CARMIL2: variants seen among roughly 807,000 people sequenced by gnomAD.
The protein encoded by CARMIL2 is capping protein regulator and myosin 1 linker 2.
Under a neutral mutation model 173.3 loss-of-function variants are expected in CARMIL2, and 96 were observed. The observed-to-expected ratio is 0.55, with a 90% CI of 0.47 to 0.66. The LOEUF is 0.66. Ranked by LOEUF, CARMIL2 falls within the 30% of genes least tolerant of loss-of-function variation. The pLI is 0.00. For synonymous variants in CARMIL2, 830 were observed against 817.1 expected (o/e 1.02, Z -0.27); for missense variants, 1,771 against 1,906.7 (o/e 0.93, Z 1.33).
chr16:67,657,280 A>T lies in CARMIL2; in HGVS notation c.4159A>T (p.Arg1387Trp). The T allele has an allele frequency of 6.2e-7, 1 of 1,613,740 alleles. No homozygotes were observed. The highest frequency in any genetic ancestry group is 8.5e-7 in the Non-Finnish European group (1 of 1,179,794). The change falls in exon 37 of 38, where the codon AGG becomes TGG. Residue 1387 changes from arginine to tryptophan, a missense_variant. Physicochemically the swap from Arg to Trp is moderately radical, Grantham distance 101 (BLOSUM62 -3). Transcript: ENST00000334583. This position sits in a 1 kb window ranked among gnomAD's most constrained non-coding sequence, Gnocchi z 4.5. ...RLQRSPVLKR[R>W]PKLEAPPSPS... ...GCAGCGCTCCCCCGTCCTCAAACGC[A>T]GGCCAAAACTCGAGGCACCTCCATC...
In CARMIL2 at chr16:67,649,043, C is replaced by A. The variant is rs373516654; in HGVS notation, c.1592-33C>A. On this transcript the variant is annotated intron_variant, in intron 17 of 37. Coordinates refer to ENST00000334583, the MANE Select transcript of CARMIL2 (RefSeq NM_001013838.3). This position sits in a 1 kb window ranked among gnomAD's most constrained non-coding sequence, Gnocchi z 6.7. ...CCCAATCCCCACCCTACCCTTGCAA[C>A]TTCGCCTCGTGCGTGACCCGAGTCA... is the stretch of plus-strand genomic sequence containing the variant. 13 of 1,606,362 alleles carry A rather than the reference C, an allele frequency of 8.1e-6. No homozygotes were observed. Among genetic ancestry groups the A allele is most frequent in the African/African-American group, 1.3e-5 (1 of 74,784 alleles).
chr16:67,647,710 G>C lies in CARMIL2; in HGVS notation c.902G>C (p.Arg301Pro). 6.3e-7 allele frequency: 1 copy of C among 1,597,626 alleles called. No individual in the cohort carries two copies. The highest frequency in any genetic ancestry group is 1.1e-5 in the South Asian group (1 of 87,990). The change falls in exon 12 of 38, where the codon CGT becomes CCT. Residue 301 changes from arginine to proline, a missense_variant. Transcript: ENST00000334583. ...ACTGCACTCAGCAGACACCTCGAGC[G>C]TTGTCCAGGAGCCCTGAGGAGACTC... is the stretch of plus-strand genomic sequence containing the variant. Reference protein sequence around the residue: ...GMTALSRHLERCPGALRRLSL... With the variant: ...GMTALSRHLEPCPGALRRLSL...
At chr16:67,655,007 G>C in intron 32 of CARMIL2, 107 bp downstream of exon 32, 1 of 1,405,206 alleles carries the variant, frequency 7.1e-7, no homozygotes, top group South Asian at 1.3e-5. Flanking sequence ...CTAATTGTCA[G>C]TTCTACTCCA....
In CARMIL2 at chr16:67,649,515, A is replaced by G; in HGVS notation, c.1815A>G (p.Leu605=). The G allele has an allele frequency of 5.6e-6, 9 of 1,608,602 alleles. No homozygotes were observed. Among genetic ancestry groups the G allele is most frequent in the Non-Finnish European group, 7.6e-6 (9 of 1,179,862 alleles). The change falls in exon 20 of 38, where the codon CTA becomes CTG. Residue 605 remains leucine, a synonymous_variant. Transcript: ENST00000334583. This position sits in a 1 kb window ranked among gnomAD's most constrained non-coding sequence, Gnocchi z 6.7. ...GTGCCAGCGTCCTACTCCGGGCCCT[A>G]GCCACCAATCCTAACCTGACCGCGC... ...KLGASVLLRA[L]ATNPNLTALD...
Position 67,651,761 on chromosome 16 carries a change from A to C in CARMIL2, c.2504A>C (p.Gln835Pro). 6.2e-7 allele frequency: 1 copy of C among 1,606,644 alleles called. No individual in the cohort carries two copies. The highest frequency in any genetic ancestry group is 8.5e-7 in the Non-Finnish European group (1 of 1,177,202). ...CTGCAGGGATCCAGCTGGAGGGAGCAGCTAGAGGGGGTCCTGGCAGGCTCG... is the reference window on the plus strand; with the variant it reads ...CTGCAGGGATCCAGCTGGAGGGAGCCGCTAGAGGGGGTCCTGGCAGGCTCG... ...QMLQGSSWRE[Q>P]LEGVLAGSRG... Residue 835 changes from glutamine to proline, a missense_variant, in exon 25 of 38, where the codon CAG (glutamine) becomes CCG (proline). By Grantham distance (76) the Gln-to-Pro change is moderately conservative. Transcript: ENST00000334583. The surrounding 1 kb of genome is among the most constrained non-coding windows in gnomAD (Gnocchi z 4.2).
In CARMIL2 at chr16:67,652,564, G is replaced by A. The variant is rs768438300; in HGVS notation, c.2884+26G>A. 3.1e-6 allele frequency: 5 copies of A among 1,605,374 alleles called. No individual in the cohort carries two copies. The highest frequency in any genetic ancestry group is 1.7e-5 in the Admixed American group (1 of 59,824). On this transcript the variant is annotated intron_variant, in intron 28 of 37. Coordinates refer to ENST00000334583, the MANE Select transcript of CARMIL2 (RefSeq NM_001013838.3). The surrounding 1 kb of genome is among the most constrained non-coding windows in gnomAD (Gnocchi z 4.7). Reference sequence around the variant, plus strand: ...GTAAGTCAGGGCCTTGGGGGAGGGAGTTTACGTGGGTGGGCTGAAGCTCCA... The same window carrying A: ...GTAAGTCAGGGCCTTGGGGGAGGGAATTTACGTGGGTGGGCTGAAGCTCCA...
intron 1 of CARMIL2, 32 bp from the exon 2 acceptor site, chr16:67,645,508 C>T (rs2052576340): frequency 2.6e-6 from 4 of 1,552,540 alleles, no homozygotes; most frequent in Non-Finnish European, 2.6e-6. Flanking sequence ...TGTGCAAGGA[C>T]TGAAGTCACC....
chr16:67,646,924 C>CA lies in CARMIL2; in HGVS notation c.563dup (p.Cys190LeufsTer43). Reference sequence around the variant, plus strand: ...GGACGTGGACACCATTTACCATCGCCAGGGCTGCCGCCATTTCAGCCTGGG... The same window carrying CA: ...GGACGTGGACACCATTTACCATCGCCAAGGGCTGCCGCCATTTCAGCCTGGG... On this transcript the variant is annotated frameshift_variant, in exon 8 of 38. Coordinates refer to ENST00000334583, the MANE Select transcript of CARMIL2 (RefSeq NM_001013838.3). LOFTEE classifies it high-confidence loss of function. This position sits in a 1 kb window ranked among gnomAD's most constrained non-coding sequence, Gnocchi z 4.6. 1 of 1,613,626 alleles carries CA rather than the reference C, an allele frequency of 6.2e-7. No homozygotes were observed. Among genetic ancestry groups the CA allele is most frequent in the Non-Finnish European group, 8.5e-7 (1 of 1,179,886 alleles).
At position 67,652,126 on chromosome 16, in the gene CARMIL2, G is replaced by T; in HGVS notation, c.2677-73G>T. 6.3e-7 allele frequency: 1 copy of T among 1,598,664 alleles called. No homozygotes were observed. Among genetic ancestry groups the T allele is most frequent in the Non-Finnish European group, 8.5e-7 (1 of 1,171,474 alleles). On this transcript the variant is annotated intron_variant, in intron 26 of 37. Coordinates refer to ENST00000334583, the MANE Select transcript of CARMIL2 (RefSeq NM_001013838.3). The surrounding 1 kb of genome is among the most constrained non-coding windows in gnomAD (Gnocchi z 4.7). ...GTCATGTAGCCCAGGGCTATTTCAG[G>T]GTCCCCTTAGTTAGCATCAATGGGA...
Position 67,657,018 on chromosome 16 carries a change from C to T in CARMIL2, c.4117+137C>T. On this transcript the variant is annotated intron_variant, in intron 36 of 37. Coordinates refer to ENST00000334583, the MANE Select transcript of CARMIL2 (RefSeq NM_001013838.3). This position sits in a 1 kb window ranked among gnomAD's most constrained non-coding sequence, Gnocchi z 4.5. ...CTCAAGAAATCAGGGAGCCAGAAGA[C>T]CAGGTGCAAGGGTTTGACAGCAAGC... 1.2e-6 allele frequency: 1 copy of T among 805,118 alleles called. No individual in the cohort carries two copies. Among genetic ancestry groups the T allele is most frequent in the Non-Finnish European group, 2.0e-6 (1 of 511,670 alleles). The allele number at this position is 805,118 out of a possible 1,614,324, so 49.9% of individuals were successfully genotyped here.
Position 67,657,352 on chromosome 16 carries a change from G to C in CARMIL2, c.4195+36G>C, listed in dbSNP as rs2142963527. ...GTCCAGGCCAGCTGGGAGGGTGGCA[G>C]GACTGCTTAGCCCAGCCCTGACCCT... On this transcript the variant is annotated intron_variant, in intron 37 of 37. Coordinates refer to ENST00000334583, the MANE Select transcript of CARMIL2 (RefSeq NM_001013838.3). The surrounding 1 kb of genome is among the most constrained non-coding windows in gnomAD (Gnocchi z 4.5). The C allele has an allele frequency of 6.2e-7, 1 of 1,611,092 alleles. No homozygotes were observed. Among genetic ancestry groups the C allele is most frequent in the Non-Finnish European group, 8.5e-7 (1 of 1,178,412 alleles).
At position 67,645,155 on chromosome 16, in the gene CARMIL2, G is replaced by C; in HGVS notation, c.-92G>C. 2.1e-6 allele frequency: 2 copies of C among 967,620 alleles called. No homozygotes were observed. Among genetic ancestry groups the C allele is most frequent in the Non-Finnish European group, 3.0e-6 (2 of 665,774 alleles). 59.9% of individuals were successfully genotyped at this position (967,620 alleles called of 1,614,324 possible). A position where few individuals can be genotyped will look rare whatever the true frequency, so the allele number is the denominator to read the frequency against. ...GCCGCCGGAGGAGCAGGTGGCTGCCGTGCGGGTCTGGGCCCCAGGCTTCCT... is the reference window on the plus strand; with the variant it reads ...GCCGCCGGAGGAGCAGGTGGCTGCCCTGCGGGTCTGGGCCCCAGGCTTCCT... On this transcript the variant is annotated 5_prime_UTR_variant, in exon 1 of 38. Coordinates refer to ENST00000334583, the MANE Select transcript of CARMIL2 (RefSeq NM_001013838.3).
Position 67,652,621 on chromosome 16 carries a change from C to A in CARMIL2, c.2884+83C>A. The A allele has an allele frequency of 7.6e-7, 1 of 1,313,920 alleles. No homozygotes were observed. Among genetic ancestry groups the A allele is most frequent in the Non-Finnish European group, 1.1e-6 (1 of 929,676 alleles). 81.4% of individuals were successfully genotyped at this position (1,313,920 alleles called of 1,614,324 possible). On this transcript the variant is annotated intron_variant, in intron 28 of 37. Coordinates refer to ENST00000334583, the MANE Select transcript of CARMIL2 (RefSeq NM_001013838.3). The surrounding 1 kb of genome is among the most constrained non-coding windows in gnomAD (Gnocchi z 4.7). ...TTGGGGACCCGGGGACCTGGATGAA[C>A]TCATTCAGCCTTGTCTGGGTACCCA...
rs2052886907 is a variant in CARMIL2 at position 67,657,407 on chromosome 16, A to C, written c.4197A>C (p.Gly1399=). The C allele has an allele frequency of 6.2e-7, 1 of 1,605,898 alleles. No individual in the cohort carries two copies. Among genetic ancestry groups the C allele is most frequent in the Non-Finnish European group, 8.5e-7 (1 of 1,176,646 alleles). The stretch of plus-strand genomic sequence containing the variant: ...CTCTCTCCCTCCCTCCCCTCACAGG[A>C]TCTGGCCTTGGAACCGAGCCTCTGC... The part of the protein sequence containing the change: ...KLEAPPSPSL[G]SGLGTEPLPP... Residue 1399 remains glycine (G), a splice_region_variant and synonymous_variant, in exon 38 of 38, where the codon GGA becomes GGC. Transcript: ENST00000334583. The surrounding 1 kb of genome is among the most constrained non-coding windows in gnomAD (Gnocchi z 4.5).
rs560833411 is a variant in CARMIL2 at position 67,651,751 on chromosome 16, T to C, written c.2494T>C (p.Trp832Arg). The change falls in exon 25 of 38, where the codon TGG (tryptophan) becomes CGG (arginine). Residue 832 changes from tryptophan to arginine, a missense_variant. Coordinates refer to ENST00000334583, the MANE Select transcript of CARMIL2 (RefSeq NM_001013838.3). The surrounding 1 kb of genome is among the most constrained non-coding windows in gnomAD (Gnocchi z 4.2). The stretch of plus-strand genomic sequence containing the variant: ...CCCACAGATGCTGCAGGGATCCAGC[T>C]GGAGGGAGCAGCTAGAGGGGGTCCT... ...LCPQMLQGSS[W>R]REQLEGVLAG... 1.9e-6 allele frequency: 3 copies of C among 1,606,866 alleles called. No individual in the cohort carries two copies. In the African/African-American group the frequency reaches 4.0e-5, roughly 21 times the overall value.
At position 67,657,190 on chromosome 16, in the gene CARMIL2, C is replaced by G. The variant is rs76430478; in HGVS notation, c.4118-49C>G. On this transcript the variant is annotated intron_variant, in intron 36 of 37. Transcript: ENST00000334583. This position sits in a 1 kb window ranked among gnomAD's most constrained non-coding sequence, Gnocchi z 4.5. ...GTGGAAGAGAGGGGCAGGGGATGGA[C>G]AGACCCCAAGCCTTAGCAACCCACC... 1.4e-3 allele frequency: 2,161 copies of G among 1,543,500 alleles called. 17 individuals carry two copies. In the East Asian group the frequency reaches 0.026, roughly 18 times the overall value.
In CARMIL2 at chr16:67,654,169, G is replaced by T; in HGVS notation, c.3141G>T (p.Gln1047His). 1 of 1,563,068 alleles carries T rather than the reference G, an allele frequency of 6.4e-7. No individual in the cohort carries two copies. The change falls in exon 30 of 38, where the codon CAG becomes CAT. Residue 1047 changes from glutamine to histidine, a missense_variant. By Grantham distance (24) the Gln-to-His change is conservative (BLOSUM62 0). Around this residue, in one of 3 missense-constraint regions of CARMIL2, gnomAD observed 817 missense variants for 903.5 expected, o/e 0.90. Coordinates refer to ENST00000334583, the MANE Select transcript of CARMIL2 (RefSeq NM_001013838.3). ...CCCAGGTACCCCCAGCCTTGCCGCA[G>T]GAAGGGAATGGGCTCAGTGCCCGCG... ...GGPQVPPALPQEGNGLSARVD... is the reference protein window; with the variant it reads ...GGPQVPPALPHEGNGLSARVD...
At position 67,647,495 on chromosome 16, in the gene CARMIL2, GT is replaced by G; in HGVS notation, c.777-12del. 1.9e-6 allele frequency: 3 copies of G among 1,592,458 alleles called. No homozygotes were observed. Among genetic ancestry groups the G allele is most frequent in the Non-Finnish European group, 2.6e-6 (3 of 1,169,844 alleles). ...CCAGGGGCAGAATCTCATGCCTGGG[GT>G]CTGGTCCCCAGAGACTTTGTCCGAC... On this transcript the variant is annotated splice_polypyrimidine_tract_variant and intron_variant, in intron 10 of 37. Coordinates refer to ENST00000334583, the MANE Select transcript of CARMIL2 (RefSeq NM_001013838.3).
At position 67,652,444 on chromosome 16, in the gene CARMIL2, C is replaced by T; in HGVS notation, c.2818-28C>T. The T allele has an allele frequency of 6.2e-7, 1 of 1,612,778 alleles. No individual in the cohort carries two copies. Among genetic ancestry groups the T allele is most frequent in the Non-Finnish European group, 8.5e-7 (1 of 1,179,330 alleles). On this transcript the variant is annotated intron_variant, in intron 27 of 37. Transcript: ENST00000334583. The surrounding 1 kb of genome is among the most constrained non-coding windows in gnomAD (Gnocchi z 4.7). ...CTTTTGGGTTGGTGCTCTCCTACCC[C>T]AGGCTGAGTTTGTGCCCTCCCCACC...
Sources: allele counts gnomAD v4.1 joint callset, GRCh38; gene constraint gnomAD v4.1.1; regional missense constraint gnomAD v4.1.1; non-coding constraint Gnocchi (gnomAD v3.1); transcripts MANE v1.5; gene names NCBI Gene and HGNC (gene_info 2026-07-23, HGNC 2026-07-21).